The following ZNF385D variants were observed in gnomAD, a reference collection of about 807,000 sequenced individuals.
ZNF385D encodes the protein zinc finger protein 385D.
ZNF385D carries 15 observed loss-of-function variants against 35.8 expected under a neutral mutation model. The ratio of observed to expected loss-of-function variants is 0.42; its 90% CI spans 0.28 to 0.64. The LOEUF (loss-of-function observed/expected upper bound fraction) is 0.64. Ranked by LOEUF, ZNF385D falls within the 30% of genes least tolerant of loss-of-function variation. The probability of loss-of-function intolerance (pLI) is 0.23; values close to 1 mark genes in which losing one functional copy is unlikely to be tolerated. For synonymous variants in ZNF385D, 212 were observed against 186.8 expected (o/e 1.13, Z -1.10); for missense variants, 474 against 494.6 (o/e 0.96, Z 0.39).
chr3:22,345,498 C>G (rs921899580), intron 2 of ZNF385D, among the ~76,000 whole-genome samples: 3 of 152,144 alleles, frequency 2.0e-5, no homozygotes, highest in African/African-American at 7.2e-5. Context: ...AACAATATCC[C>G]AAGCACCATT....
At chr3:21,610,380 C>G (rs1013942147) in intron 2 of ZNF385D, among the ~76,000 whole-genome samples, 2 of 152,106 alleles carry the variant, frequency 1.3e-5, no homozygotes, top group Non-Finnish European at 2.9e-5. Context: ...GATATGAGCA[C>G]TTATTAACAT....
intron 3 of ZNF385D, among the ~76,000 whole-genome samples, chr3:21,868,221 C>T (rs1044809034): frequency 1.3e-5 from 2 of 152,058 alleles, no homozygotes; most frequent in Non-Finnish European, 2.9e-5. Flanking sequence ...TCACTTATTG[C>T]ACTGAAAGCA....
Position 22,070,128 on chromosome 3 carries a change from G to A in ZNF385D, c.325+98689C>T, listed in dbSNP as rs570641326. 1.7e-4 allele frequency among the ~76,000 whole-genome samples: 26 copies of A among 152,134 alleles called. No individual in the cohort carries two copies. In the South Asian group the frequency reaches 4.2e-3, roughly 24 times the overall value. On this transcript the variant is annotated intron_variant, in intron 3 of 5. Transcript: ENST00000494108. Reference sequence around the variant, plus strand: ...CCTATTTTAATAATTTCCCACAAATGTTCACTTAGAACTTTAAAGATAAGC... The same window carrying A: ...CCTATTTTAATAATTTCCCACAAATATTCACTTAGAACTTTAAAGATAAGC...
rs748295350 is a variant in ZNF385D, at chr3:21,508,560, CT to C, written c.439+2300del. ...TATATTAACTACATCCTTTATTGTCCTGTACCTAAGACTAGATGGTGCAAAA... is the reference window on the plus strand; with the variant it reads ...TATATTAACTACATCCTTTATTGTCCGTACCTAAGACTAGATGGTGCAAAA... On this transcript the variant is annotated intron_variant, in intron 4 of 7. Transcript: ENST00000281523. 2.9e-3 allele frequency among the ~76,000 whole-genome samples: 435 copies of C among 152,178 alleles called. 3 individuals carry two copies. The highest frequency in any genetic ancestry group is 3.5e-3 in the Non-Finnish European group (237 of 68,016).
chr3:22,245,654 G>A (rs1456923225), intron 2 of ZNF385D, among the ~76,000 whole-genome samples: 15 of 151,270 alleles, frequency 9.9e-5, no homozygotes, highest in Admixed American at 8.6e-4. Context: ...ATAGACGGGT[G>A]TGTGCTGCTG....
At chr3:21,426,860 C>T (rs1157686736) in intron 5 of ZNF385D, among the ~76,000 whole-genome samples, 1 of 152,114 alleles carries the variant, frequency 6.6e-6, no homozygotes, top group African/African-American at 2.4e-5. Flanking sequence ...CCACATGTTT[C>T]CCTTCTTCAA....
intron 3 of ZNF385D, among the ~76,000 whole-genome samples, chr3:22,029,713 C>A (rs1172686264): frequency 6.6e-6 from 1 of 152,144 alleles, no homozygotes; most frequent in African/African-American, 2.4e-5. Flanking sequence ...GTGTTGTTAA[C>A]TTTCTGTAAT....
intron 2 of ZNF385D, among the ~76,000 whole-genome samples, chr3:22,209,928 G>A (rs763308640): frequency 4.0e-5 from 6 of 151,584 alleles, no homozygotes; most frequent in Non-Finnish European, 7.4e-5. Context: ...CCTTAGTAAC[G>A]GGACACAGAC....
intron 2 of ZNF385D, among the ~76,000 whole-genome samples, chr3:22,181,479 G>A (rs1444298527): frequency 4.6e-5 from 7 of 152,046 alleles, no homozygotes; most frequent in African/African-American, 1.4e-4. Flanking sequence ...GGCGGATCAC[G>A]AGGTCAGGAG....
intron 2 of ZNF385D, among the ~76,000 whole-genome samples, chr3:22,290,423 G>C (rs912955076): frequency 1.3e-5 from 2 of 152,126 alleles, no homozygotes; most frequent in South Asian, 4.1e-4. Flanking sequence ...CTCTCATTGA[G>C]AAATGTAGCC....
At chr3:22,087,696 T>C (rs1176162459) in intron 3 of ZNF385D, among the ~76,000 whole-genome samples, 1 of 152,178 alleles carries the variant, frequency 6.6e-6, no homozygotes, top group Admixed American at 6.5e-5. Context: ...ACTTTGTTAA[T>C]TATTTTTATT....
intron 2 of ZNF385D, among the ~76,000 whole-genome samples, chr3:22,174,665 T>G (rs771104741): frequency 6.6e-6 from 1 of 152,038 alleles, no homozygotes; most frequent in Non-Finnish European, 1.5e-5. Flanking sequence ...TATGATAATA[T>G]CTCCAGAAAT....
chr3:21,947,783 T>C (rs1701867197), intron 3 of ZNF385D, among the ~76,000 whole-genome samples: 1 of 152,318 alleles, frequency 6.6e-6, no homozygotes, highest in East Asian at 1.9e-4. Context: ...TTTTTTAAAT[T>C]TATGGTTTCA....
At chr3:22,049,627 T>C (rs922194986) in intron 3 of ZNF385D, among the ~76,000 whole-genome samples, 1 of 152,178 alleles carries the variant, frequency 6.6e-6, no homozygotes, top group Non-Finnish European at 1.5e-5. Context: ...AAAATTTAGT[T>C]TGATGTTATT....
chr3:22,041,603 G>C (rs565136841), intron 3 of ZNF385D, among the ~76,000 whole-genome samples: 1 of 152,064 alleles, frequency 6.6e-6, no homozygotes, highest in Non-Finnish European at 1.5e-5. Flanking sequence ...AACCAACTGG[G>C]TGATCTGAAC....
intron 2 of ZNF385D, among the ~76,000 whole-genome samples, chr3:22,231,682 A>G (rs1698898710): frequency 6.6e-6 from 1 of 152,046 alleles, no homozygotes; most frequent in African/African-American, 2.4e-5. Context: ...AAATTTTGCC[A>G]GGTAGATGGG....
At chr3:22,171,235 T>G (rs1694401252) in intron 2 of ZNF385D, among the ~76,000 whole-genome samples, 1 of 152,226 alleles carries the variant, frequency 6.6e-6, no homozygotes, top group African/African-American at 2.4e-5. Context: ...GGTGTGCCCT[T>G]GTAACACATC....
chr3:21,780,943 C>A (rs1483145699), intron 3 of ZNF385D, among the ~76,000 whole-genome samples: 2 of 152,036 alleles, frequency 1.3e-5, no homozygotes, highest in Non-Finnish European at 2.9e-5. Flanking sequence ...CTTCATAAGG[C>A]ATCAACATAA....
chr3:22,143,633 C>T (rs1704665242), intron 3 of ZNF385D, among the ~76,000 whole-genome samples: 1 of 151,920 alleles, frequency 6.6e-6, no homozygotes, highest in Non-Finnish European at 1.5e-5. Flanking sequence ...ATATTGATGG[C>T]CTTTTAGATT....
Sources: allele counts gnomAD v4.1 joint callset (sites outside exome capture counted in the v4.1 genomes callset), GRCh38; gene constraint gnomAD v4.1.1; transcripts MANE v1.5; gene names NCBI Gene and HGNC (gene_info 2026-07-23, HGNC 2026-07-21).